TSPAN5: variants seen among roughly 807,000 people sequenced by gnomAD.
TSPAN5 encodes tetraspanin-5.
A neutral mutation model predicts 37.1 loss-of-function variants in TSPAN5; 10 were observed. The observed-to-expected ratio is 0.27, with a 90% CI of 0.17 to 0.46. TSPAN5 has a LOEUF of 0.46. Ranked by LOEUF, TSPAN5 falls within the 20% of genes least tolerant of loss-of-function variation. The pLI, the probability that TSPAN5 is intolerant of heterozygous loss-of-function variation, is 1.00. For synonymous variants in TSPAN5, 110 were observed against 118.9 expected, an observed-to-expected ratio of 0.93 and a Z score of 0.48; for missense variants, 195 against 326.6, an observed-to-expected ratio of 0.60 and a Z score of 3.11.
chr4:98,601,836 G>C (rs774751526), intron 1 of TSPAN5, among the ~76,000 whole-genome samples: 1 of 152,098 alleles, frequency 6.6e-6, no homozygotes, highest in Non-Finnish European at 1.5e-5. Flanking sequence ...ATCATTTGTA[G>C]CTTTTGATTT....
At chr4:98,653,294 T>C (rs1345752563) in intron 1 of TSPAN5, among the ~76,000 whole-genome samples, 1 of 150,734 alleles carries the variant, frequency 6.6e-6, no homozygotes, top group Non-Finnish European at 1.5e-5. Flanking sequence ...GTCTCCCTCC[T>C]CTCTGAATTA....
intron 1 of TSPAN5, among the ~76,000 whole-genome samples, chr4:98,532,874 T>C (rs1754128712): frequency 6.6e-6 from 1 of 152,206 alleles, no homozygotes; most frequent in African/African-American, 2.4e-5. Flanking sequence ...CATTGATACC[T>C]AGTTTATTGA....
At chr4:98,556,587 G>C (rs997224585) in intron 1 of TSPAN5, among the ~76,000 whole-genome samples, 1 of 152,112 alleles carries the variant, frequency 6.6e-6, no homozygotes, top group Admixed American at 6.5e-5. Flanking sequence ...TAAACTAACT[G>C]GTTGTGTCCA....
intron 2 of TSPAN5, among the ~76,000 whole-genome samples, chr4:98,505,915 A>T (rs1333867452): frequency 6.6e-6 from 1 of 152,186 alleles, no homozygotes; most frequent in Non-Finnish European, 1.5e-5. Context: ...ACAAAAAAGG[A>T]ACTGCTATTT....
intron 1 of TSPAN5, among the ~76,000 whole-genome samples, chr4:98,611,649 T>G (rs1183078198): frequency 1.3e-5 from 2 of 152,194 alleles, no homozygotes; most frequent in African/African-American, 4.8e-5. Context: ...GCCTCGTCTG[T>G]GAAGTGGACC....
At position 98,480,135 on chromosome 4, in the gene TSPAN5, T is replaced by C. The variant is rs927906061; in HGVS notation, c.451-1325A>G. Among the ~76,000 whole-genome samples the C allele has an allele frequency of 3.3e-5, 5 of 152,310 alleles. No homozygotes were observed. In the East Asian group the frequency reaches 9.7e-4, roughly 29 times the overall value. The stretch of plus-strand genomic sequence containing the variant: ...CGCCTGGGAACAGAGAGATCCCTGT[T>C]GCATTGCAGGCTGCTGGCCAGATCC... On this transcript the variant is annotated intron_variant, in intron 4 of 7. Transcript: ENST00000305798.
intron 1 of TSPAN5, among the ~76,000 whole-genome samples, chr4:98,579,800 A>C (rs533370769): frequency 6.6e-6 from 1 of 152,324 alleles, no homozygotes; most frequent in South Asian, 2.1e-4. Flanking sequence ...TTCAAGCCAG[A>C]TCTTCATAAA....
intron 2 of TSPAN5, among the ~76,000 whole-genome samples, chr4:98,505,774 G>T (rs953951769): frequency 6.6e-6 from 1 of 152,156 alleles, no homozygotes; most frequent in Non-Finnish European, 1.5e-5. Flanking sequence ...CTGGGCTGGT[G>T]CACGGCTAAC....
chr4:98,506,594 T>C (rs1237968008), intron 2 of TSPAN5, among the ~76,000 whole-genome samples: 2 of 152,204 alleles, frequency 1.3e-5, no homozygotes, highest in East Asian at 3.8e-4. Context: ...GGGGCTTTTG[T>C]TGACTGGACC....
intron 1 of TSPAN5, among the ~76,000 whole-genome samples, chr4:98,592,651 T>C (rs1222807113): frequency 1.4e-5 from 2 of 142,384 alleles, no homozygotes; most frequent in Admixed American, 7.2e-5. Context: ...GTGATCTCAT[T>C]GTTCAATTCC....
chr4:98,481,914 G>C (rs1263510617), intron 4 of TSPAN5, 91 bp downstream of exon 4: 1 of 1,304,274 alleles, frequency 7.7e-7, no homozygotes, highest in African/African-American at 1.5e-5. Context: ...GTAGTTTCCA[G>C]CTGGCAGATG....
intron 2 of TSPAN5, among the ~76,000 whole-genome samples, chr4:98,504,716 G>A (rs1417836932): frequency 1.3e-5 from 2 of 152,124 alleles, no homozygotes; most frequent in Admixed American, 1.3e-4. Flanking sequence ...GCCAAACAAG[G>A]AAATGGCATC....
chr4:98,608,703 G>A (rs1756101791), intron 1 of TSPAN5, among the ~76,000 whole-genome samples: 1 of 152,132 alleles, frequency 6.6e-6, no homozygotes, highest in South Asian at 2.1e-4. Context: ...ACTGTTAGGG[G>A]GGAAATAGAC....
At chr4:98,583,425 C>T (rs2110197944) in intron 1 of TSPAN5, among the ~76,000 whole-genome samples, 1 of 152,214 alleles carries the variant, frequency 6.6e-6, no homozygotes, top group East Asian at 1.9e-4. Context: ...CTCCACCCTC[C>T]ACCAGGCCCC....
intron 1 of TSPAN5, among the ~76,000 whole-genome samples, chr4:98,640,766 G>A (rs183267199): frequency 6.6e-6 from 1 of 152,234 alleles, no homozygotes; most frequent in Non-Finnish European, 1.5e-5. Context: ...AACAAGGAAA[G>A]TTGAGGGTCC....
intron 1 of TSPAN5, among the ~76,000 whole-genome samples, chr4:98,571,312 G>A (rs1469584140): frequency 1.3e-5 from 2 of 152,022 alleles, no homozygotes; most frequent in African/African-American, 4.8e-5. Context: ...ACGGGGGAGC[G>A]CAGAAGGGGC....
At chr4:98,631,735 C>T (rs1254068544) in intron 1 of TSPAN5, among the ~76,000 whole-genome samples, 1 of 152,112 alleles carries the variant, frequency 6.6e-6, no homozygotes, top group Admixed American at 6.5e-5. Context: ...TGAAGGGACC[C>T]AGCAATTTGA....
chr4:98,545,684 C>T (rs4699651), intron 1 of TSPAN5, among the ~76,000 whole-genome samples: 90,989 of 151,846 alleles, frequency 0.6, 27,578 homozygotes, highest in South Asian at 0.75. Context: ...CGTGTGCCAC[C>T]ACACCTGGCT....
chr4:98,628,058 T>G (rs1008369556), intron 1 of TSPAN5, among the ~76,000 whole-genome samples: 1 of 152,190 alleles, frequency 6.6e-6, no homozygotes, highest in Admixed American at 6.5e-5. Flanking sequence ...AGTGCAATAA[T>G]AATCTGAGTA....
Sources: gnomAD v4.1 joint callset for allele counts (sites outside exome capture counted in the v4.1 genomes callset) on GRCh38, gnomAD v4.1.1 for gene constraint, MANE v1.5 for transcripts, NCBI Gene and HGNC (gene_info 2026-07-23, HGNC 2026-07-21) for gene names.